The following EP300 variants were observed in gnomAD, a reference collection of about 807,000 sequenced individuals.
EP300 encodes the protein histone acetyltransferase p300.
Under a neutral mutation model 264.0 loss-of-function variants are expected in EP300, and 31 were observed. The ratio of observed to expected loss-of-function variants is 0.12; its 90% CI spans 0.09 to 0.16. The LOEUF is 0.16. Among genes scored for constraint, EP300 ranks in the 10% least tolerant of loss-of-function variants. The pLI, the probability that EP300 is intolerant of heterozygous loss-of-function variation, is 1.00. For missense variants in EP300, 2,766 were observed against 3,052.9 expected (o/e 0.91, Z 2.21); for synonymous variants, 1,340 against 1,045.4 (o/e 1.28, Z -5.44).
intron 6 of EP300, among the ~76,000 whole-genome samples, chr22:41,133,158 C>A (rs1018659094): frequency 8.3e-6 from 1 of 121,150 alleles, no homozygotes; most frequent in East Asian, 3.1e-4. Context: ...ATTATCCCCC[C>A]CCCCACCCCC....
chr22:41,109,085 G>A (rs1207367994), intron 1 of EP300, among the ~76,000 whole-genome samples: 2 of 151,932 alleles, frequency 1.3e-5, no homozygotes, highest in African/African-American at 4.8e-5. Context: ...GACCAGTCTG[G>A]GTAACATGGT....
At chr22:41,172,933 A>T (rs547438149) in intron 28 of EP300, among the ~76,000 whole-genome samples, 1 of 152,238 alleles carries the variant, frequency 6.6e-6, no homozygotes, top group Non-Finnish European at 1.5e-5. Flanking sequence ...AAAAACTGAT[A>T]GAAGATTACT....
At chr22:41,100,574 A>G (rs2058726220) in intron 1 of EP300, among the ~76,000 whole-genome samples, 1 of 152,212 alleles carries the variant, frequency 6.6e-6, no homozygotes, top group Admixed American at 6.5e-5. Context: ...CCATGGTTGC[A>G]TCTGTACTGG....
Position 41,092,595 on chromosome 22 carries a change from A to C in EP300, c.-410A>C. 2 of 557,678 alleles carry C rather than the reference A, an allele frequency of 3.6e-6. No homozygotes were observed. The highest frequency in any genetic ancestry group is 6.6e-6 in the Non-Finnish European group (2 of 305,248). The allele number at this position is 557,678 out of a possible 1,614,324, so 34.5% of individuals were successfully genotyped here. ...GCCCCCGCCTCCTTGTGGCGATGAG[A>C]AGGAGGAGGACAGCGCCGAGGAGGA... On this transcript the variant is annotated 5_prime_UTR_variant, in exon 1 of 31. Transcript: ENST00000263253.
rs1166503571 is a variant in EP300, at chr22:41,162,740, A to G, written c.3689A>G (p.Gln1230Arg). 1.2e-6 allele frequency: 2 copies of G among 1,612,616 alleles called. No individual in the cohort carries two copies. The highest frequency in any genetic ancestry group is 1.7e-6 in the Non-Finnish European group (2 of 1,178,804). Residue 1230 changes from glutamine (Q) to arginine (R), a missense_variant, in exon 21 of 31, where the codon CAA becomes CGA. Physicochemically the swap from Gln to Arg is conservative, Grantham distance 43 (BLOSUM62 1). Transcript: ENST00000263253. ...SQPQTTINKE[Q>R]FSKRKNDTLD... ...CTCCTTAGTACAATAAATAAAGAAC[A>G]ATTTTCCAAGAGAAAAAATGACACA... is the stretch of plus-strand genomic sequence containing the variant.
rs747857690 is a variant in EP300, at chr22:41,177,418, G to A, written c.5707G>A (p.Gly1903Ser). ...CCCTGTGTCCCAGGGTAAGGCAGCA[G>A]GCCAGGTGACCCCTCCAACCCCTCC... ...AGPVSQGKAA[G>S]QVTPPTPPQT... The change falls in exon 31 of 31, where the codon GGC becomes AGC. Residue 1903 changes from glycine to serine, a missense_variant. Coordinates refer to ENST00000263253, the MANE Select transcript of EP300 (RefSeq NM_001429.4). 6.2e-7 allele frequency: 1 copy of A among 1,614,128 alleles called. No homozygotes were observed. The highest frequency in any genetic ancestry group is 8.5e-7 in the Non-Finnish European group (1 of 1,180,028).
intron 1 of EP300, among the ~76,000 whole-genome samples, chr22:41,101,309 AG>A (rs1199423650): frequency 6.6e-6 from 1 of 151,980 alleles, no homozygotes; most frequent in Non-Finnish European, 1.5e-5. Context: ...TCCTGACCTC[AG>A]TCTGCCCACC....
At position 41,177,618 on chromosome 22, in the gene EP300, A is replaced by G. The variant is rs778689753; in HGVS notation, c.5907A>G (p.Pro1969=). 6.2e-7 allele frequency: 1 copy of G among 1,613,818 alleles called. No homozygotes were observed. Among genetic ancestry groups the G allele is most frequent in the Non-Finnish European group, 8.5e-7 (1 of 1,179,960 alleles). Residue 1969 remains proline, a synonymous_variant, in exon 31 of 31, where the codon CCA becomes CCG. Transcript: ENST00000263253. ...CCATGGCCCCCATGGGTATGAACCC[A>G]CCTCCCATGACCAGAGGTCCCAGTG... ...MTPMAPMGMN[P]PPMTRGPSGH...
In EP300 at chr22:41,146,539, T is replaced by A. The variant is rs2059011570; in HGVS notation, c.2054-200T>A. On this transcript the variant is annotated intron_variant, in intron 10 of 30. Transcript: ENST00000263253. ...GGGCTCATAAAGGAATACCAACAAA[T>A]CCACTTGGAGGCATTTTTCTGTATT... 4 of 594,338 alleles carry A rather than the reference T, an allele frequency of 6.7e-6. No homozygotes were observed. In the South Asian group the frequency reaches 8.0e-5, roughly 12 times the overall value. 36.8% of individuals were successfully genotyped at this position (594,338 alleles called of 1,614,324 possible). A position where few individuals can be genotyped will look rare whatever the true frequency, so the allele number is the denominator to read the frequency against.
chr22:41,156,921 C>A (rs559092117), intron 17 of EP300, among the ~76,000 whole-genome samples: 5 of 152,284 alleles, frequency 3.3e-5, no homozygotes, highest in Admixed American at 3.3e-4. Flanking sequence ...CCTGAAGTTG[C>A]TTCAGTAGAA....
At chr22:41,159,475 A>C (rs183376254) in intron 19 of EP300, 1 of 152,230 alleles carries the variant, frequency 6.6e-6, no homozygotes, top group Admixed American at 6.5e-5. Context: ...TCAAGTTGTT[A>C]TAAGTACCTT....
rs1362637110 is a variant in EP300, at chr22:41,172,677, G to C, written c.4617+14G>C. On this transcript the variant is annotated intron_variant, in intron 28 of 30. Coordinates refer to ENST00000263253, the MANE Select transcript of EP300 (RefSeq NM_001429.4). The stretch of plus-strand genomic sequence containing the variant: ...GAAAGCACAGATGTAAGGGCATTGA[G>C]TTTCCTTTGAAACTTCTATCATGAT... 1 of 1,609,722 alleles carries C rather than the reference G, an allele frequency of 6.2e-7. No individual in the cohort carries two copies. The highest frequency in any genetic ancestry group is 2.2e-5 in the East Asian group (1 of 44,510).
intron 16 of EP300, among the ~76,000 whole-genome samples, chr22:41,152,700 A>C (rs1345159788): frequency 1.3e-5 from 2 of 151,920 alleles, no homozygotes; most frequent in East Asian, 3.9e-4. Flanking sequence ...TTTGTCATTC[A>C]CCTGCTGTGT....
chr22:41,094,965 T>G (rs1426993785), intron 1 of EP300, among the ~76,000 whole-genome samples: 2 of 152,148 alleles, frequency 1.3e-5, no homozygotes, highest in Non-Finnish European at 2.9e-5. Context: ...GTTTTAAATG[T>G]GTTAAGTGGG....
intron 1 of EP300, among the ~76,000 whole-genome samples, chr22:41,094,507 G>T (rs1036290375): frequency 6.6e-6 from 1 of 152,212 alleles, no homozygotes; most frequent in Non-Finnish European, 1.5e-5. Context: ...TTGTAACATT[G>T]ATTATGCATG....
In EP300 at chr22:41,125,957, C is replaced by G. The variant is rs1226998471; in HGVS notation, c.823C>G (p.Gln275Glu). 6.2e-7 allele frequency: 1 copy of G among 1,614,212 alleles called. No homozygotes were observed. The highest frequency in any genetic ancestry group is 1.1e-5 in the South Asian group (1 of 91,080). ...IGASGLGLQI[Q>E]TKTVLSNNLS... ...AGCCAGTGGCCTTGGTCTCCAGATT[C>G]AGACAAAAACTGTACTATCAAATAA... Residue 275 changes from glutamine (Q) to glutamate (E), a missense_variant, in exon 3 of 31, where the codon CAG becomes GAG. Coordinates refer to ENST00000263253, the MANE Select transcript of EP300 (RefSeq NM_001429.4).
rs780778684 is a variant in EP300, at chr22:41,178,714, C to T, written c.7003C>T (p.Pro2335Ser). The T allele has an allele frequency of 4.3e-6, 7 of 1,614,076 alleles. No individual in the cohort carries two copies. The highest frequency in any genetic ancestry group is 2.2e-5 in the East Asian group (1 of 44,896). The change falls in exon 31 of 31, where the codon CCT becomes TCT. Residue 2335 changes from proline (P) to serine (S), a missense_variant. Pro to Ser is a moderately conservative substitution (Grantham distance 74, BLOSUM62 -1). Transcript: ENST00000263253. ...TCCTTCCCCAAGGATGCAGCCTCAG[C>T]CTTCTCCACACCACGTTTCCCCACA... Reference protein sequence around the residue: ...SSPSPRMQPQPSPHHVSPQTS... With the variant: ...SSPSPRMQPQSSPHHVSPQTS...
chr22:41,164,170 TA>T, intron 22 of EP300, 40 bp downstream of exon 22: 2 of 1,563,142 alleles, frequency 1.3e-6, no homozygotes, highest in Non-Finnish European at 1.8e-6. Context: ...AATTTTTCTT[TA>T]TCGTGAATAT....
chr22:41,115,393 G>A (rs2058815508), intron 1 of EP300, among the ~76,000 whole-genome samples: 1 of 152,172 alleles, frequency 6.6e-6, no homozygotes, highest in Non-Finnish European at 1.5e-5. Context: ...AATAGTGCCA[G>A]GGTTGAGAAA....
Sources: gnomAD v4.1 joint callset for allele counts (sites outside exome capture counted in the v4.1 genomes callset) on GRCh38, gnomAD v4.1.1 for gene constraint, MANE v1.5 for transcripts, NCBI Gene and HGNC (gene_info 2026-07-23, HGNC 2026-07-21) for gene names.